Variants in RANBP2 observed in about 807,000 individuals in gnomAD.
RANBP2 encodes RAN binding protein 2.
A neutral mutation model predicts 303.6 loss-of-function variants in RANBP2; 57 were observed. The ratio of observed to expected loss-of-function variants is 0.19; its 90% confidence interval spans 0.15 to 0.23. The LOEUF is 0.23. Among genes scored for constraint, RANBP2 ranks in the 10% least tolerant of loss-of-function variants. The pLI is 1.00. For synonymous variants in RANBP2, 1,167 were observed against 1,301.5 expected (o/e 0.90, Z 2.23); for missense variants, 3,138 against 3,780.8 (o/e 0.83, Z 4.46).
At chr2:109,387,176 T>G in the RANBP2 span, among the ~76,000 whole-genome samples, 1 of 152,236 alleles carries the variant, frequency 6.6e-6, no homozygotes, top group Non-Finnish European at 1.5e-5. Context: ...TGGACAAATT[T>G]GAGATTGCGC....
At chr2:109,350,682 C>A in the RANBP2 span, among the ~76,000 whole-genome samples, 8 of 152,220 alleles carry the variant, frequency 5.3e-5, no homozygotes, top group African/African-American at 1.9e-4. Context: ...GTCCGACCCA[C>A]CTTACTTCCC....
At chr2:108,975,569 T>G in the RANBP2 span, among the ~76,000 whole-genome samples, 9 of 152,154 alleles carry the variant, frequency 5.9e-5, no homozygotes, top group Non-Finnish European at 1.3e-4. Context: ...GCTCAGCTCA[T>G]TCCTACCCCA....
At chr2:108,899,703 AG>A in the RANBP2 span, among the ~76,000 whole-genome samples, 1 of 152,212 alleles carries the variant, frequency 6.6e-6, no homozygotes, top group Admixed American at 6.5e-5. Context: ...AACACCAGTA[AG>A]GCTGGGCACG....
the RANBP2 span, among the ~76,000 whole-genome samples, chr2:109,078,227 T>C: frequency 2.7e-3 from 121 of 45,548 alleles, 6 homozygotes; most frequent in African/African-American, 9.4e-3. Context: ...ATATATAGCG[T>C]GTATATATAT....
the RANBP2 span, among the ~76,000 whole-genome samples, chr2:109,679,260 A>G: frequency 6.6e-6 from 1 of 152,242 alleles, no homozygotes; most frequent in Admixed American, 6.5e-5. Context: ...TGACCGTGGC[A>G]GGGAACTGCA....
chr2:109,116,208 T>C, the RANBP2 span, among the ~76,000 whole-genome samples: 1 of 152,226 alleles, frequency 6.6e-6, no homozygotes, highest in Non-Finnish European at 1.5e-5. Flanking sequence ...TTCTCCTGGA[T>C]AATATCCTGC....
the RANBP2 span, among the ~76,000 whole-genome samples, chr2:109,722,461 T>C: frequency 6.6e-6 from 1 of 152,184 alleles, no homozygotes; most frequent in Admixed American, 6.5e-5. Flanking sequence ...ACATTCCCCA[T>C]TGGTCCTTCT....
the RANBP2 span, among the ~76,000 whole-genome samples, chr2:109,178,202 A>G: frequency 6.6e-6 from 1 of 152,250 alleles, no homozygotes; most frequent in South Asian, 2.1e-4. Context: ...AAATATTTTC[A>G]TATGTATTTC....
the RANBP2 span, among the ~76,000 whole-genome samples, chr2:109,512,785 C>T: frequency 6.6e-6 from 1 of 152,090 alleles, no homozygotes; most frequent in Non-Finnish European, 1.5e-5. Context: ...CCTGGGTGCC[C>T]CAAGACCTAA....
At chr2:109,693,286 C>T in the RANBP2 span, among the ~76,000 whole-genome samples, 590 of 152,264 alleles carry the variant, frequency 3.9e-3, 2 homozygotes, top group Non-Finnish European at 6.4e-3. Flanking sequence ...ATTCTTATGC[C>T]TCACCCTCCC....
chr2:109,372,660 A>G, the RANBP2 span, among the ~76,000 whole-genome samples: 1 of 152,368 alleles, frequency 6.6e-6, no homozygotes, highest in Non-Finnish European at 1.5e-5. Context: ...CCAAGGTTTC[A>G]GCGCGGGCCT....
At chr2:109,210,954 G>A in the RANBP2 span, among the ~76,000 whole-genome samples, 1 of 152,204 alleles carries the variant, frequency 6.6e-6, no homozygotes, top group Non-Finnish European at 1.5e-5. Context: ...CCTCCCAGTG[G>A]GCTGGGTTTG....
At chr2:109,443,214 A>G in the RANBP2 span, among the ~76,000 whole-genome samples, 1 of 152,266 alleles carries the variant, frequency 6.6e-6, no homozygotes, top group East Asian at 1.9e-4. Context: ...TTGACAAAAG[A>G]GAAAATGAGG....
chr2:109,204,551 C>T, the RANBP2 span, among the ~76,000 whole-genome samples: 1 of 152,162 alleles, frequency 6.6e-6, no homozygotes, highest in Non-Finnish European at 1.5e-5. Flanking sequence ...GTACAATGTA[C>T]ACATAAATGG....
intron 1 of RANBP2, among the ~76,000 whole-genome samples, chr2:108,724,214 G>GT (rs1234498017): frequency 1.3e-5 from 2 of 152,182 alleles, no homozygotes; most frequent in Non-Finnish European, 2.9e-5. Context: ...CCAGGCTGGA[G>GT]TGCAGTGGCA....
chr2:109,638,054 C>T, the RANBP2 span, among the ~76,000 whole-genome samples: 22 of 152,118 alleles, frequency 1.4e-4, no homozygotes, highest in Admixed American at 3.3e-4. Context: ...GTCCTTCCTG[C>T]GAGGAAATGC....
At chr2:109,341,191 C>T in the RANBP2 span, among the ~76,000 whole-genome samples, 1 of 152,196 alleles carries the variant, frequency 6.6e-6, no homozygotes, top group Non-Finnish European at 1.5e-5. Flanking sequence ...ACCCAACAAG[C>T]AGCTTTGAAT....
chr2:109,718,251 C>G, the RANBP2 span, among the ~76,000 whole-genome samples: 11 of 152,104 alleles, frequency 7.2e-5, no homozygotes, highest in African/African-American at 2.7e-4. Flanking sequence ...CATATGACCA[C>G]CTAAAAATTT....
At chr2:109,111,957 T>C in the RANBP2 span, among the ~76,000 whole-genome samples, 2 of 152,304 alleles carry the variant, frequency 1.3e-5, no homozygotes, top group South Asian at 2.1e-4. Context: ...ACAAAGGACA[T>C]GAACTCATCA....
Sources: allele counts gnomAD v4.1 joint callset (sites outside exome capture counted in the v4.1 genomes callset), GRCh38; gene constraint gnomAD v4.1.1; transcripts MANE v1.5; gene names NCBI Gene and HGNC (gene_info 2026-07-23, HGNC 2026-07-21).